Variants in BBOF1 observed in about 807,000 individuals in gnomAD.
BBOF1 encodes the protein basal body orientation factor 1.
A neutral mutation model predicts 68.0 loss-of-function variants in BBOF1; 62 were observed. The observed-to-expected ratio is 0.91, with a 90% CI of 0.74 to 1.13. BBOF1 has a LOEUF of 1.13. Among genes scored for constraint, BBOF1 ranks in the 50% most tolerant of loss-of-function variants. The probability of loss-of-function intolerance (pLI) is 0.00; values close to 1 mark genes in which losing one functional copy is unlikely to be tolerated. For missense variants in BBOF1, 534 were observed against 600.1 expected (o/e 0.89, Z 1.15); for synonymous variants, 208 against 198.8 (o/e 1.05, Z -0.39).
chr14:74,072,806 T>C (rs2060568912), intron 9 of BBOF1, among the ~76,000 whole-genome samples: 1 of 151,324 alleles, frequency 6.6e-6, no homozygotes, highest in Non-Finnish European at 1.5e-5. Context: ...GTGTGTTTAT[T>C]TTTTTTTTGA....
downstream of BBOF1, chr14:74,069,024 G>A: frequency 6.2e-7 from 1 of 1,603,254 alleles, no homozygotes; most frequent in Non-Finnish European, 8.5e-7. Context: ...GGAGCAAATG[G>A]ATTCTCAACA....
Position 74,066,063 on chromosome 14 carries a change from A to G in BBOF1, c.*1364A>G, listed in dbSNP as rs2060458704. ...GTCATGTTAGCTGAGAGACTTTCAA[A>G]GTTTTGATAAATAAAAATTGACAAG... On this transcript the variant is annotated 3_prime_UTR_variant, in exon 12 of 12. Transcript: ENST00000394009. 1 of 154,852 alleles carries G rather than the reference A, an allele frequency of 6.5e-6. No homozygotes were observed. The highest frequency in any genetic ancestry group is 1.4e-5 in the Non-Finnish European group (1 of 69,482). 9.6% of individuals were successfully genotyped at this position (154,852 alleles called of 1,614,324 possible).
chr14:74,063,967 CTT>C (rs943238226), intron 11 of BBOF1, among the ~76,000 whole-genome samples: 2 of 151,884 alleles, frequency 1.3e-5, no homozygotes, highest in African/African-American at 4.8e-5. Context: ...ATCTGCTTTA[CTT>C]TTCTTGTTCA....
intron 1 of BBOF1, among the ~76,000 whole-genome samples, chr14:74,020,150 G>T (rs1230799045): frequency 6.6e-6 from 1 of 152,154 alleles, no homozygotes; most frequent in Non-Finnish European, 1.5e-5. Context: ...CTATATTTTG[G>T]AGTATTCTTT....
chr14:74,043,043 A>C (rs566644073), intron 5 of BBOF1, among the ~76,000 whole-genome samples: 2 of 152,232 alleles, frequency 1.3e-5, no homozygotes, highest in Admixed American at 1.3e-4. Flanking sequence ...AACTTCATGG[A>C]TATTTCTCCT....
chr14:74,063,649 T>C lies in BBOF1; in HGVS notation c.1579-1039T>C, dbSNP rs182226901. Among the ~76,000 whole-genome samples the C allele has an allele frequency of 3.5e-3, 535 of 151,626 alleles. 4 individuals carry two copies. Among genetic ancestry groups the C allele is most frequent in the African/African-American group, 0.012 (508 of 41,364 alleles). On this transcript the variant is annotated intron_variant, in intron 11 of 11. Coordinates refer to ENST00000394009, the MANE Select transcript of BBOF1 (RefSeq NM_025057.3). The stretch of plus-strand genomic sequence containing the variant: ...AGGAGGCTGAGGCAGGCGGATCACC[T>C]GAGGTCAGGAATTCGAGACCAGCCT...
At chr14:74,045,060 C>G (rs2059920834) in intron 5 of BBOF1, among the ~76,000 whole-genome samples, 1 of 152,112 alleles carries the variant, frequency 6.6e-6, no homozygotes, top group Non-Finnish European at 1.5e-5. Context: ...TTTCCTCAGT[C>G]CCTGCTTTTG....
At chr14:74,057,496 C>T in intron 11 of BBOF1, 1 of 1,397,672 alleles carries the variant, frequency 7.2e-7, no homozygotes, top group Non-Finnish European at 9.3e-7. Flanking sequence ...TATAGGTTGC[C>T]TTTTGAAGTA....
At chr14:74,035,226 TA>T (rs141637204) in intron 4 of BBOF1, among the ~76,000 whole-genome samples, 48,495 of 150,078 alleles carry the variant, frequency 0.32, 9,371 homozygotes, top group Non-Finnish European at 0.43. Context: ...CAGCTCTCTG[TA>T]AAAAAAAAAT....
chr14:74,021,778 G>A (rs1350651468), intron 1 of BBOF1, among the ~76,000 whole-genome samples: 1 of 152,038 alleles, frequency 6.6e-6, no homozygotes. Flanking sequence ...CTGGTGGCGG[G>A]CTCCTGTAGT....
At chr14:74,069,218 C>G (rs1309822022), downstream of BBOF1, 6 of 407,336 alleles carry the variant, frequency 1.5e-5, no homozygotes, top group Non-Finnish European at 2.7e-5. Flanking sequence ...AATTCTCTGC[C>G]TCAGCCTCCC....
At chr14:74,032,719 C>A (rs1198290698) in intron 3 of BBOF1, among the ~76,000 whole-genome samples, 2 of 151,620 alleles carry the variant, frequency 1.3e-5, no homozygotes, top group East Asian at 3.9e-4. Flanking sequence ...GTCTTGAACT[C>A]CTGACCTCGT....
intron 11 of BBOF1, chr14:74,057,788 C>T: frequency 1.8e-6 from 2 of 1,083,468 alleles, no homozygotes; most frequent in Non-Finnish European, 2.3e-6. Context: ...GCCGCGATCA[C>T]ATGAATATAA....
intron 4 of BBOF1, among the ~76,000 whole-genome samples, chr14:74,034,432 T>C (rs1831700443): frequency 6.6e-6 from 1 of 152,158 alleles, no homozygotes; most frequent in Admixed American, 6.6e-5. Context: ...CAGGTAACCC[T>C]TTGGATTGAC....
chr14:74,050,339 T>A (rs1343391574), intron 8 of BBOF1, 144 bp downstream of exon 8: 2 of 898,926 alleles, frequency 2.2e-6, no homozygotes, highest in Non-Finnish European at 3.2e-6. Flanking sequence ...AACTGACTTA[T>A]TCATCTTTGT....
intron 5 of BBOF1, among the ~76,000 whole-genome samples, chr14:74,043,600 T>C (rs1023026096): frequency 8.7e-5 from 13 of 149,704 alleles, no homozygotes; most frequent in African/African-American, 2.9e-4. Context: ...AGTCTCACTT[T>C]GTCACCTAGG....
At chr14:74,069,778 A>T (rs1423384339), downstream of BBOF1, among the ~76,000 whole-genome samples, 1 of 151,628 alleles carries the variant, frequency 6.6e-6, no homozygotes, top group East Asian at 2.0e-4. Flanking sequence ...TATAAAAATA[A>T]ATTCTATTTA....
At chr14:74,057,392 T>A in intron 11 of BBOF1, 134 bp downstream of exon 11, 11 of 1,539,214 alleles carry the variant, frequency 7.1e-6, no homozygotes, top group Non-Finnish European at 8.7e-6. Context: ...ATAAATAGCA[T>A]TAGTAGATTA....
At chr14:74,077,132 C>G (rs1162309083) in intron 9 of BBOF1, among the ~76,000 whole-genome samples, 3 of 152,266 alleles carry the variant, frequency 2.0e-5, no homozygotes, top group Admixed American at 6.5e-5. Context: ...CACTGACACT[C>G]TCCTGGAGCC....
Sources: allele counts gnomAD v4.1 joint callset (sites outside exome capture counted in the v4.1 genomes callset), GRCh38; gene constraint gnomAD v4.1.1; transcripts MANE v1.5; gene names NCBI Gene and HGNC (gene_info 2026-07-23, HGNC 2026-07-21).